Variants in TAFA2 observed in about 807,000 individuals in gnomAD.
TAFA2 encodes chemokine-like protein TAFA-2.
Under a neutral mutation model 18.8 loss-of-function variants are expected in TAFA2, and 7 were observed. The ratio of observed to expected loss-of-function variants is 0.37; its 90% CI spans 0.21 to 0.70. TAFA2 has a LOEUF of 0.70. TAFA2 is among the 30% of genes least tolerant of loss of function. TAFA2 has a pLI of 0.53. For missense variants in TAFA2, 122 were observed against 158.1 expected (o/e 0.77, Z 1.23); for synonymous variants, 60 against 54.2 (o/e 1.11, Z -0.47).
At chr12:61,917,850 A>G (rs1876889395) in intron 1 of TAFA2, among the ~76,000 whole-genome samples, 1 of 152,190 alleles carries the variant, frequency 6.6e-6, no homozygotes, top group African/African-American at 2.4e-5. Flanking sequence ...GCCTAACCCC[A>G]TGAAACAGAA....
intron 1 of TAFA2, among the ~76,000 whole-genome samples, chr12:62,113,022 T>G (rs1487145295): frequency 6.6e-6 from 1 of 152,118 alleles, no homozygotes; most frequent in Non-Finnish European, 1.5e-5. Flanking sequence ...TTTTCTTCCC[T>G]TGCTGGCAAG....
intron 2 of TAFA2, among the ~76,000 whole-genome samples, chr12:61,849,268 T>C (rs749880870): frequency 5.3e-5 from 8 of 152,204 alleles, no homozygotes; most frequent in Non-Finnish European, 1.0e-4. Context: ...TCAGAGGTAA[T>C]ATGTTTCACC....
chr12:62,083,604 G>T (rs1042170057), intron 1 of TAFA2, among the ~76,000 whole-genome samples: 5 of 152,102 alleles, frequency 3.3e-5, no homozygotes, highest in African/African-American at 1.2e-4. Flanking sequence ...AACCACATTT[G>T]ACTACAAAGA....
At chr12:61,915,808 G>T (rs1386584077) in intron 1 of TAFA2, among the ~76,000 whole-genome samples, 1 of 152,098 alleles carries the variant, frequency 6.6e-6, no homozygotes, top group Non-Finnish European at 1.5e-5. Context: ...TTCTATCCAG[G>T]TCCTCAATGG....
At chr12:61,836,629 C>G (rs1016676599) in intron 2 of TAFA2, among the ~76,000 whole-genome samples, 4 of 151,308 alleles carry the variant, frequency 2.6e-5, no homozygotes, top group African/African-American at 9.7e-5. Context: ...TAGTTCCAAA[C>G]TGCTTCTTTG....
intron 1 of TAFA2, among the ~76,000 whole-genome samples, chr12:61,914,650 C>A (rs1302731641): frequency 6.6e-6 from 1 of 152,102 alleles, no homozygotes; most frequent in Non-Finnish European, 1.5e-5. Flanking sequence ...GATAGTAGTA[C>A]CTGACATTAC....
intron 1 of TAFA2, among the ~76,000 whole-genome samples, chr12:62,111,873 A>G (rs1291689400): frequency 6.6e-6 from 1 of 152,108 alleles, no homozygotes; most frequent in African/African-American, 2.4e-5. Context: ...TTTTGAGCCT[A>G]TGTGTGTCTT....
chr12:62,184,502 CT>C (rs10526118), intron 1 of TAFA2, among the ~76,000 whole-genome samples: 1 of 106,172 alleles, frequency 9.4e-6, no homozygotes, highest in African/African-American at 3.7e-5. Context: ...AAAAAAAATT[CT>C]TTTTTTTTTG....
At chr12:61,990,441 A>G (rs12830877) in intron 1 of TAFA2, among the ~76,000 whole-genome samples, 4 of 142,452 alleles carry the variant, frequency 2.8e-5, no homozygotes, top group South Asian at 4.5e-4. Context: ...CCGGGTTCAC[A>G]CCATTCTCCT....
At chr12:61,997,371 C>T (rs564650125) in intron 1 of TAFA2, among the ~76,000 whole-genome samples, 2 of 152,196 alleles carry the variant, frequency 1.3e-5, no homozygotes, top group South Asian at 4.1e-4. Flanking sequence ...GCAAAGGGAA[C>T]TGCAAGGGTA....
intron 1 of TAFA2, among the ~76,000 whole-genome samples, chr12:62,053,796 G>C (rs1027435493): frequency 6.6e-6 from 1 of 152,156 alleles, no homozygotes; most frequent in Non-Finnish European, 1.5e-5. Context: ...ACCTGGCTCT[G>C]AGTTTCATAA....
In TAFA2 at chr12:62,104,654, C is replaced by A. The variant is rs183070174; in HGVS notation, c.-2+86605G>T. The A allele has an allele frequency of 3.9e-4, 177 of 454,292 alleles. No individual in the cohort carries two copies. The East Asian group carries it at 0.011, about 28-fold the overall frequency. 28.1% of individuals were successfully genotyped at this position (454,292 alleles called of 1,614,324 possible). On this transcript the variant is annotated intron_variant, in intron 1 of 4. Transcript: ENST00000416284. The stretch of plus-strand genomic sequence containing the variant: ...ACAGCCACACAGATACAAATCATTA[C>A]ATACATATTTTCAAGATAAGCAATA...
intron 1 of TAFA2, among the ~76,000 whole-genome samples, chr12:62,026,628 T>G (rs1416640476): frequency 6.6e-6 from 1 of 152,180 alleles, no homozygotes; most frequent in Admixed American, 6.5e-5. Context: ...TGTTTTGGTT[T>G]GCAGAGCCTG....
intron 2 of TAFA2, among the ~76,000 whole-genome samples, chr12:61,779,361 C>T (rs1169616067): frequency 6.6e-6 from 1 of 151,740 alleles, no homozygotes; most frequent in Non-Finnish European, 1.5e-5. Context: ...AGAATCAGAA[C>T]TTAGAGTGGC....
chr12:61,927,075 A>C (rs1050731684), intron 1 of TAFA2, among the ~76,000 whole-genome samples: 1 of 149,184 alleles, frequency 6.7e-6, no homozygotes, highest in African/African-American at 2.4e-5. Context: ...CTCTGAAAAA[A>C]AAAAAAAAAA....
intron 2 of TAFA2, among the ~76,000 whole-genome samples, chr12:61,779,513 C>T (rs1014619759): frequency 5.9e-5 from 9 of 151,816 alleles, no homozygotes; most frequent in Admixed American, 1.3e-4. Flanking sequence ...TTACAACCAC[C>T]ACAGCCTATG....
At chr12:62,214,159 C>T (rs2062724500) in intron 1 of TAFA2, among the ~76,000 whole-genome samples, 2 of 152,128 alleles carry the variant, frequency 1.3e-5, no homozygotes, top group South Asian at 4.1e-4. Flanking sequence ...GAAATAATCC[C>T]CCTTATAAGA....
chr12:62,187,772 T>C (rs1227407019), intron 1 of TAFA2, among the ~76,000 whole-genome samples: 1 of 152,138 alleles, frequency 6.6e-6, no homozygotes, highest in Non-Finnish European at 1.5e-5. Flanking sequence ...AACTTCTATG[T>C]CTCTGTTTGC....
chr12:62,171,577 G>T (rs2062478254), intron 1 of TAFA2, among the ~76,000 whole-genome samples: 1 of 152,166 alleles, frequency 6.6e-6, no homozygotes, highest in Non-Finnish European at 1.5e-5. Flanking sequence ...CCTTATAAAA[G>T]AGGCCGAAGG....
Sources: allele counts gnomAD v4.1 joint callset (sites outside exome capture counted in the v4.1 genomes callset), GRCh38; gene constraint gnomAD v4.1.1; transcripts MANE v1.5; gene names NCBI Gene and HGNC (gene_info 2026-07-23, HGNC 2026-07-21).